CSMD1: variants seen among roughly 807,000 people sequenced by gnomAD.
The protein encoded by CSMD1 is CUB and Sushi multiple domains 1.
A neutral mutation model predicts 417.5 loss-of-function variants in CSMD1; 213 were observed. The ratio of observed to expected loss-of-function variants is 0.51; its 90% CI spans 0.46 to 0.57. The LOEUF (loss-of-function observed/expected upper bound fraction) is 0.57, where lower values mean the gene tolerates loss of function less well. Ranked by LOEUF, CSMD1 falls within the 20% of genes least tolerant of loss-of-function variation. The pLI, the probability that CSMD1 is intolerant of heterozygous loss-of-function variation, is 0.00. For synonymous variants in CSMD1, 2,862 were observed against 1,736.8 expected (o/e 1.65, Z -16.11); for missense variants, 6,923 against 4,529.7 (o/e 1.53, Z -15.17).
intron 5 of CSMD1, among the ~76,000 whole-genome samples, chr8:3,853,528 T>C (rs1804059356): frequency 6.6e-6 from 1 of 152,176 alleles, no homozygotes; most frequent in African/African-American, 2.4e-5. Flanking sequence ...GCCTTGTTAC[T>C]AGAAGATGCT....
intron 5 of CSMD1, among the ~76,000 whole-genome samples, chr8:3,900,101 G>A (rs1230505809): frequency 6.6e-6 from 1 of 151,942 alleles, no homozygotes; most frequent in East Asian, 1.9e-4. Context: ...TGATGGTGCA[G>A]CTGGTTGGCA....
intron 5 of CSMD1, among the ~76,000 whole-genome samples, chr8:3,984,853 G>A (rs867493263): frequency 2.0e-5 from 3 of 150,428 alleles, no homozygotes; most frequent in Non-Finnish European, 4.4e-5. Context: ...CAAGAAGAAA[G>A]CCAGAAATGA....
intron 3 of CSMD1, among the ~76,000 whole-genome samples, chr8:4,363,972 C>T (rs1164670929): frequency 6.6e-6 from 1 of 152,060 alleles, no homozygotes; most frequent in African/African-American, 2.4e-5. Flanking sequence ...GTAAGACCTA[C>T]TTTTTGCTAG....
intron 49 of CSMD1, among the ~76,000 whole-genome samples, chr8:3,082,682 C>T (rs1340385196): frequency 1.3e-5 from 2 of 152,184 alleles, no homozygotes; most frequent in African/African-American, 4.8e-5. Context: ...ACAGCAACAA[C>T]CTTAATGTAC....
At chr8:4,269,024 G>T (rs376043675) in intron 3 of CSMD1, among the ~76,000 whole-genome samples, 4 of 152,214 alleles carry the variant, frequency 2.6e-5, no homozygotes, top group African/African-American at 9.6e-5. Flanking sequence ...AATACACAAT[G>T]AGGTGCATTT....
At chr8:4,713,278 T>C (rs1234393637) in intron 1 of CSMD1, among the ~76,000 whole-genome samples, 1 of 152,206 alleles carries the variant, frequency 6.6e-6, no homozygotes, top group Non-Finnish European at 1.5e-5. Context: ...GAGAGTGTAG[T>C]TTAAGTTGGT....
chr8:3,985,347 G>A (rs1418374249), intron 5 of CSMD1, among the ~76,000 whole-genome samples: 1 of 152,176 alleles, frequency 6.6e-6, no homozygotes, highest in Non-Finnish European at 1.5e-5. Context: ...TAGGGTTACA[G>A]ATTGCATTGT....
At chr8:4,323,629 C>T (rs1222118473) in intron 3 of CSMD1, among the ~76,000 whole-genome samples, 1 of 151,962 alleles carries the variant, frequency 6.6e-6, no homozygotes, top group Non-Finnish European at 1.5e-5. Flanking sequence ...AACCAGAAGA[C>T]ATAAGGAGAA....
chr8:3,703,974 G>C (rs1344132719), intron 7 of CSMD1, among the ~76,000 whole-genome samples: 1 of 152,168 alleles, frequency 6.6e-6, no homozygotes, highest in Non-Finnish European at 1.5e-5. Context: ...GGGAGGCTGA[G>C]ACAGGAGAAT....
chr8:4,384,062 T>C (rs550188760), intron 3 of CSMD1, among the ~76,000 whole-genome samples: 1 of 152,218 alleles, frequency 6.6e-6, no homozygotes, highest in Non-Finnish European at 1.5e-5. Flanking sequence ...TGTTGTTTTT[T>C]TTGCACCGTC....
intron 26 of CSMD1, among the ~76,000 whole-genome samples, chr8:3,242,777 C>G (rs75733799): frequency 2.0e-4 from 31 of 151,352 alleles, no homozygotes; most frequent in Non-Finnish European, 1.8e-4. Context: ...GGGTTTCTTA[C>G]CCTCCAGACA....
At chr8:3,513,706 G>A (rs749334213) in intron 10 of CSMD1, among the ~76,000 whole-genome samples, 1 of 152,202 alleles carries the variant, frequency 6.6e-6, no homozygotes, top group Non-Finnish European at 1.5e-5. Flanking sequence ...GGATATGTAA[G>A]TCTACTGCCC....
intron 5 of CSMD1, among the ~76,000 whole-genome samples, chr8:3,802,017 T>C (rs1452051873): frequency 6.6e-6 from 1 of 152,162 alleles, no homozygotes; most frequent in Non-Finnish European, 1.5e-5. Flanking sequence ...TTGTGATGAC[T>C]GCACGATGAT....
chr8:3,557,108 A>C (rs949919696), intron 10 of CSMD1, among the ~76,000 whole-genome samples: 1 of 152,224 alleles, frequency 6.6e-6, no homozygotes, highest in Admixed American at 6.5e-5. Flanking sequence ...AATCCATTCC[A>C]AATATTACCC....
At chr8:3,450,459 C>T (rs1441115991) in intron 12 of CSMD1, among the ~76,000 whole-genome samples, 5 of 151,230 alleles carry the variant, frequency 3.3e-5, no homozygotes, top group South Asian at 2.1e-4. Context: ...TATCCCTCCC[C>T]CCTCCCCACA....
chr8:3,753,300 G>C (rs901922575), intron 6 of CSMD1, among the ~76,000 whole-genome samples: 1 of 152,114 alleles, frequency 6.6e-6, no homozygotes, highest in Admixed American at 6.6e-5. Flanking sequence ...TTTTTGCTGT[G>C]TTAATAAGGA....
chr8:3,891,478 G>A (rs748257712), intron 5 of CSMD1, among the ~76,000 whole-genome samples: 1 of 152,000 alleles, frequency 6.6e-6, no homozygotes, highest in Non-Finnish European at 1.5e-5. Flanking sequence ...ACAGGAGTTT[G>A]AGACCACCCT....
intron 1 of CSMD1, among the ~76,000 whole-genome samples, chr8:4,906,080 G>C (rs1805253613): frequency 6.6e-6 from 1 of 152,000 alleles, no homozygotes; most frequent in Admixed American, 6.6e-5. Flanking sequence ...CTCACCTCTG[G>C]AGCTGACCAA....
chr8:4,132,257 G>A (rs566769954), intron 3 of CSMD1, among the ~76,000 whole-genome samples: 2 of 145,192 alleles, frequency 1.4e-5, no homozygotes, highest in Non-Finnish European at 3.0e-5. Flanking sequence ...AGCACTGCTG[G>A]ATTATGAAAA....
Sources: gnomAD v4.1 joint callset for allele counts (sites outside exome capture counted in the v4.1 genomes callset) on GRCh38, gnomAD v4.1.1 for gene constraint, MANE v1.5 for transcripts, NCBI Gene and HGNC (gene_info 2026-07-23, HGNC 2026-07-21) for gene names.